The following DYRK2 variants were observed in gnomAD, a reference collection of about 807,000 sequenced individuals.
DYRK2 encodes the protein dual specificity tyrosine-phosphorylation-regulated kinase 2.
A neutral mutation model predicts 41.6 loss-of-function variants in DYRK2; 12 were observed. The ratio of observed to expected loss-of-function variants is 0.29; its 90% confidence interval spans 0.18 to 0.47. DYRK2 has a LOEUF of 0.47. Ranked by LOEUF, DYRK2 falls within the 20% of genes least tolerant of loss-of-function variation. The pLI, the probability that DYRK2 is intolerant of heterozygous loss-of-function variation, is 1.00. For missense variants in DYRK2, 678 were observed against 798.4 expected, an observed-to-expected ratio of 0.85 and a Z score of 1.82; for synonymous variants, 322 against 315.7, an observed-to-expected ratio of 1.02 and a Z score of -0.21.
chr12:67,649,892 C>A lies in DYRK2; in HGVS notation c.145C>A (p.Pro49Thr). The A allele has an allele frequency of 7.2e-7, 1 of 1,386,888 alleles. No individual in the cohort carries two copies. 85.9% of individuals were successfully genotyped at this position (1,386,888 alleles called of 1,614,324 possible). A position where few individuals can be genotyped will look rare whatever the true frequency, so the allele number is the denominator to read the frequency against. ...CGGAGTGGGGACTGGCCCGCCCTCC[C>A]CCATCGCCCTGCCGCCTCTCCGGGC... ...RSGVGTGPPS[P>T]IALPPLRASN... Residue 49 changes from proline (P) to threonine (T), a missense_variant, in exon 2 of 3, where the codon CCC (proline) becomes ACC (threonine). This residue lies in a region of DYRK2 where 285 missense variants were observed against 279.2 expected (regional missense o/e 1.02). Coordinates refer to ENST00000344096, the MANE Select transcript of DYRK2 (RefSeq NM_006482.3).
In DYRK2 at chr12:67,657,249, G is replaced by A; in HGVS notation, c.342G>A (p.Val114=). The change falls in exon 3 of 3, where the codon GTG becomes GTA. Residue 114 remains valine, a synonymous_variant. Transcript: ENST00000344096. This position sits in a 1 kb window ranked among gnomAD's most constrained non-coding sequence, Gnocchi z 4.8. The stretch of plus-strand genomic sequence containing the variant: ...CACAACCAAATGGGCTTACAACAGT[G>A]GGCAAAACGGGCTTGCCAGTGGTGC... The part of the protein sequence containing the change: ...LTTQPNGLTT[V]GKTGLPVVPE... 2 of 1,614,058 alleles carry A rather than the reference G, an allele frequency of 1.2e-6. No individual in the cohort carries two copies. The highest frequency in any genetic ancestry group is 1.7e-6 in the Non-Finnish European group (2 of 1,180,010).
Position 67,649,133 on chromosome 12 carries a change from C to A in DYRK2, c.-1C>A, listed in dbSNP as rs758658631. 1.3e-6 allele frequency: 2 copies of A among 1,512,188 alleles called. No individual in the cohort carries two copies. The highest frequency in any genetic ancestry group is 1.8e-6 in the Non-Finnish European group (2 of 1,126,878). 93.7% of individuals were successfully genotyped at this position (1,512,188 alleles called of 1,614,324 possible). A position where few individuals can be genotyped will look rare whatever the true frequency, so the allele number is the denominator to read the frequency against. ...GAAATGCATTTTCCTCTCCAGCGGC[C>A]ATGTTAACCAGGAAACCTTCGGCCG... On this transcript the variant is annotated 5_prime_UTR_variant, in exon 1 of 3. Transcript: ENST00000344096.
rs780843951 is a variant in DYRK2 at position 67,658,578 on chromosome 12, C to T, written c.1671C>T (p.Thr557=). ...CAGTGAAAAGGATAACTGAGAGCAC[C>T]GGTGCTATCACATCTATATCCAAGT... is the stretch of plus-strand genomic sequence containing the variant. The part of the protein sequence containing the change: ...KTSVKRITES[T]GAITSISKLP... The change falls in exon 3 of 3, where the codon ACC becomes ACT. Residue 557 remains threonine, a synonymous_variant. Transcript: ENST00000344096. The surrounding 1 kb of genome is among the most constrained non-coding windows in gnomAD (Gnocchi z 4.3). The T allele has an allele frequency of 2.2e-5, 36 of 1,614,010 alleles. No homozygotes were observed. The highest frequency in any genetic ancestry group is 9.3e-5 in the African/African-American group (7 of 74,906).
chr12:67,651,408 T>C (rs1188815104), intron 2 of DYRK2: 1 of 314,490 alleles, frequency 3.2e-6, no homozygotes, highest in African/African-American at 2.2e-5. Context: ...ATTCCAATTT[T>C]GTAAGGATGG....
chr12:67,664,070 C>T lies in DYRK2; in HGVS notation c.*5357C>T, dbSNP rs1872689934. ...ACTTGATTTCCTTTGGGTTATTAGGCAGATAAACCCTTGTCATTAGTAATA... is the reference window on the plus strand; with the variant it reads ...ACTTGATTTCCTTTGGGTTATTAGGTAGATAAACCCTTGTCATTAGTAATA... On this transcript the variant is annotated 3_prime_UTR_variant, in exon 3 of 3. Coordinates refer to ENST00000344096, the MANE Select transcript of DYRK2 (RefSeq NM_006482.3). 2 of 152,162 alleles carry T rather than the reference C, an allele frequency of 1.3e-5. No homozygotes were observed. Among genetic ancestry groups the T allele is most frequent in the Admixed American group, 1.3e-4 (2 of 15,278 alleles). The allele number at this position is 152,162 out of a possible 1,614,324, so 9.4% of individuals were successfully genotyped here. A position where few individuals can be genotyped will look rare whatever the true frequency, so the allele number is the denominator to read the frequency against.
chr12:67,649,557 C>T (rs1362513199), intron 1 of DYRK2: 3 of 422,710 alleles, frequency 7.1e-6, no homozygotes, highest in Non-Finnish European at 1.2e-5. Context: ...CGCGGCCCGG[C>T]TCCCCCGCCG....
rs1423304905 is a variant in DYRK2 at position 67,658,044 on chromosome 12, C to T, written c.1137C>T (p.Val379=). The change falls in exon 3 of 3, where the codon GTC becomes GTT. Residue 379 remains valine (V), a synonymous_variant. Transcript: ENST00000344096. The surrounding 1 kb of genome is among the most constrained non-coding windows in gnomAD (Gnocchi z 4.3). ...FGSSCYEHQR[V]YTYIQSRFYR... ...CCAGTTGTTACGAGCATCAGCGTGT[C>T]TACACGTACATCCAGTCGCGTTTTT... The T allele has an allele frequency of 3.7e-6, 6 of 1,614,152 alleles. No individual in the cohort carries two copies. In the African/African-American group the frequency reaches 5.3e-5, roughly 14 times the overall value.
chr12:67,649,930 C>A lies in DYRK2; in HGVS notation c.183C>A (p.Ala61=). ...ALPPLRASNA[A]AAAHTIGGSK... ...CGCCTCTCCGGGCCAGCAACGCTGCCGCCGCAGCCCACACGGTGAGACCCA... is the reference window on the plus strand; with the variant it reads ...CGCCTCTCCGGGCCAGCAACGCTGCAGCCGCAGCCCACACGGTGAGACCCA... Residue 61 remains alanine, a synonymous_variant, in exon 2 of 3, where the codon GCC becomes GCA. Transcript: ENST00000344096. 1.5e-6 allele frequency: 2 copies of A among 1,375,796 alleles called. No homozygotes were observed. The highest frequency in any genetic ancestry group is 1.8e-5 in the South Asian group (1 of 55,622). 85.2% of individuals were successfully genotyped at this position (1,375,796 alleles called of 1,614,324 possible). A position where few individuals can be genotyped will look rare whatever the true frequency, so the allele number is the denominator to read the frequency against.
chr12:67,663,437 A>G lies in DYRK2; in HGVS notation c.*4724A>G, dbSNP rs1219414250. The G allele has an allele frequency of 6.6e-6, 1 of 152,080 alleles. No individual in the cohort carries two copies. The highest frequency in any genetic ancestry group is 1.5e-5 in the Non-Finnish European group (1 of 67,988). 9.4% of individuals were successfully genotyped at this position (152,080 alleles called of 1,614,324 possible). A position where few individuals can be genotyped will look rare whatever the true frequency, so the allele number is the denominator to read the frequency against. On this transcript the variant is annotated 3_prime_UTR_variant, in exon 3 of 3. Coordinates refer to ENST00000344096, the MANE Select transcript of DYRK2 (RefSeq NM_006482.3). ...CCCTTCTGTTACCAACAGCCAAGGA[A>G]TTACTTAGTGTGGCTCCCTGCATCA... is the stretch of plus-strand genomic sequence containing the variant.
Position 67,663,122 on chromosome 12 carries a change from T to TA in DYRK2, c.*4409_*4410insA, listed in dbSNP as rs1215468971. Reference sequence around the variant, plus strand: ...ATTATTCTAATGTGCTCTAACCAGTTCCACCCAATGTTTTTTAATGCTTAT... The same window carrying TA: ...ATTATTCTAATGTGCTCTAACCAGTTACCACCCAATGTTTTTTAATGCTTAT... On this transcript the variant is annotated 3_prime_UTR_variant, in exon 3 of 3. Coordinates refer to ENST00000344096, the MANE Select transcript of DYRK2 (RefSeq NM_006482.3). The TA allele has an allele frequency of 6.6e-6, 1 of 152,078 alleles. No homozygotes were observed. The highest frequency in any genetic ancestry group is 2.4e-5 in the African/African-American group (1 of 41,424). 9.4% of individuals were successfully genotyped at this position (152,078 alleles called of 1,614,324 possible). A position where few individuals can be genotyped will look rare whatever the true frequency, so the allele number is the denominator to read the frequency against.
At chr12:67,654,706 C>A (rs552122433) in intron 2 of DYRK2, among the ~76,000 whole-genome samples, 1 of 152,122 alleles carries the variant, frequency 6.6e-6, no homozygotes, top group Non-Finnish European at 1.5e-5. Flanking sequence ...TTCTTTTTAT[C>A]AAAAATGGAG....
rs1327412277 is a variant in DYRK2 at position 67,648,821 on chromosome 12, T to G, written c.-313T>G. 21 of 178,810 alleles carry G rather than the reference T, an allele frequency of 1.2e-4. No individual in the cohort carries two copies. The highest frequency in any genetic ancestry group is 1.6e-4 in the Non-Finnish European group (14 of 89,924). 11.1% of individuals were successfully genotyped at this position (178,810 alleles called of 1,614,324 possible). On this transcript the variant is annotated 5_prime_UTR_variant, in exon 1 of 3. An upstream start codon of the reference 5' UTR is lost. Transcript: ENST00000344096. ...GCGCTTCCAGCTCCCCGCGCCCCTA[T>G]GTGAGGGAGACGGGGAGGCCCGCGG...
At chr12:67,654,954 T>C (rs1872424114) in intron 2 of DYRK2, among the ~76,000 whole-genome samples, 1 of 152,058 alleles carries the variant, frequency 6.6e-6, no homozygotes, top group African/African-American at 2.4e-5. Context: ...GCCAAGAGAA[T>C]CGAGATTTGA....
Position 67,649,021 on chromosome 12 carries a change from C to T in DYRK2, c.-113C>T. 1.1e-6 allele frequency: 1 copy of T among 906,822 alleles called. No individual in the cohort carries two copies. Among genetic ancestry groups the T allele is most frequent in the Non-Finnish European group, 1.5e-6 (1 of 662,978 alleles). The allele number at this position is 906,822 out of a possible 1,614,324, so 56.2% of individuals were successfully genotyped here. On this transcript the variant is annotated 5_prime_UTR_variant, in exon 1 of 3. Coordinates refer to ENST00000344096, the MANE Select transcript of DYRK2 (RefSeq NM_006482.3). ...GCAGACGCGAGGCGGCGACGAGGCG[C>T]CGGGGACCCGCGCGAGGGGCGGCCG...
chr12:67,649,750 T>C (rs770467256), intron 1 of DYRK2, 47 bp from the exon 2 acceptor site: 4 of 1,305,664 alleles, frequency 3.1e-6, no homozygotes, highest in South Asian at 3.2e-5. Context: ...CTGGGTGACT[T>C]TCTCCCCCCT....
In DYRK2 at chr12:67,657,479, G is replaced by A. The variant is rs368931012; in HGVS notation, c.572G>A (p.Arg191His). ...IYFLGLNAKK[R>H]QGMTGGPNNG... ...TTCTTGGGTCTAAATGCTAAGAAGCGCCAGGGCATGACAGGTGGGCCCAAC... is the reference window on the plus strand; with the variant it reads ...TTCTTGGGTCTAAATGCTAAGAAGCACCAGGGCATGACAGGTGGGCCCAAC... Residue 191 changes from arginine to histidine, a missense_variant, in exon 3 of 3, where the codon CGC (arginine) becomes CAC (histidine). By Grantham distance (29) the Arg-to-His change is conservative. This residue lies in a region of DYRK2 where 285 missense variants were observed against 279.2 expected (regional missense o/e 1.02). Transcript: ENST00000344096. The surrounding 1 kb of genome is among the most constrained non-coding windows in gnomAD (Gnocchi z 4.8). The A allele has an allele frequency of 1.3e-5, 21 of 1,613,980 alleles. No homozygotes were observed. Among genetic ancestry groups the A allele is most frequent in the East Asian group, 2.2e-5 (1 of 44,900 alleles).
chr12:67,654,345 A>G (rs1428187516), intron 2 of DYRK2, among the ~76,000 whole-genome samples: 1 of 152,216 alleles, frequency 6.6e-6, no homozygotes, highest in Admixed American at 6.5e-5. Flanking sequence ...TCTTACTGGT[A>G]AGTTCTTGCA....
Position 67,658,941 on chromosome 12 carries a change from G to A in DYRK2, c.*228G>A, listed in dbSNP as rs1872558159. 2 of 450,188 alleles carry A rather than the reference G, an allele frequency of 4.4e-6. No homozygotes were observed. The highest frequency in any genetic ancestry group is 7.9e-6 in the Non-Finnish European group (2 of 252,824). The allele number at this position is 450,188 out of a possible 1,614,324, so 27.9% of individuals were successfully genotyped here. On this transcript the variant is annotated 3_prime_UTR_variant, in exon 3 of 3. Coordinates refer to ENST00000344096, the MANE Select transcript of DYRK2 (RefSeq NM_006482.3). This position sits in a 1 kb window ranked among gnomAD's most constrained non-coding sequence, Gnocchi z 4.3. The stretch of plus-strand genomic sequence containing the variant: ...TTCAGAAACTTTTTGTGTTCTAAAA[G>A]TACAATGAGCCTTACTGTATTTAGT...
chr12:67,649,222 C>T (rs747185239), intron 1 of DYRK2, 40 bp downstream of exon 1: 1 of 1,451,484 alleles, frequency 6.9e-7, no homozygotes, highest in Non-Finnish European at 9.2e-7. Context: ...CCCGGACCCC[C>T]GCCGGCCCTG....
Sources: gnomAD v4.1 joint callset for allele counts (sites outside exome capture counted in the v4.1 genomes callset) on GRCh38, gnomAD v4.1.1 for gene constraint, gnomAD v4.1.1 regional missense constraint, Gnocchi (gnomAD v3.1) non-coding constraint, MANE v1.5 for transcripts, NCBI Gene and HGNC (gene_info 2026-07-23, HGNC 2026-07-21) for gene names.